UBR3: variants seen among roughly 807,000 people sequenced by gnomAD.
UBR3 encodes E3 ubiquitin-protein ligase UBR3.
A neutral mutation model predicts 243.2 loss-of-function variants in UBR3; 85 were observed. The ratio of observed to expected loss-of-function variants is 0.35; its 90% CI spans 0.29 to 0.42. The LOEUF (loss-of-function observed/expected upper bound fraction) is 0.42. Ranked by LOEUF, UBR3 falls within the 10% of genes least tolerant of loss-of-function variation. The pLI is 1.00. For synonymous variants in UBR3, 748 were observed against 799.8 expected (o/e 0.94, Z 1.09); for missense variants, 1,686 against 2,300.8 (o/e 0.73, Z 5.47).
At chr2:169,892,444 T>C (rs2084412608) in intron 6 of UBR3, among the ~76,000 whole-genome samples, 1 of 152,242 alleles carries the variant, frequency 6.6e-6, no homozygotes. Context: ...ACACTCTGAC[T>C]GAAGATACTT....
At chr2:170,019,908 T>A (rs1407858542) in intron 30 of UBR3, among the ~76,000 whole-genome samples, 1 of 152,046 alleles carries the variant, frequency 6.6e-6, no homozygotes, top group African/African-American at 2.4e-5. Flanking sequence ...CCCGAGTAGC[T>A]AGGACAGCAG....
At chr2:169,983,444 A>G (rs1449375602) in intron 24 of UBR3, among the ~76,000 whole-genome samples, 1 of 151,816 alleles carries the variant, frequency 6.6e-6, no homozygotes, top group African/African-American at 2.4e-5. Context: ...TATTTTTAGT[A>G]GAGATGGGGT....
At chr2:170,021,349 TCTGGAGG>T (rs2090386796) in intron 30 of UBR3, among the ~76,000 whole-genome samples, 1 of 152,114 alleles carries the variant, frequency 6.6e-6, no homozygotes, top group African/African-American at 2.4e-5. Flanking sequence ...TTCTCACAGA[TCTGGAGG>T]CTGGGAAGTC....
At chr2:169,931,459 A>C (rs2086126919) in intron 18 of UBR3, among the ~76,000 whole-genome samples, 1 of 152,008 alleles carries the variant, frequency 6.6e-6, no homozygotes, top group African/African-American at 2.4e-5. Context: ...TGATACTTTA[A>C]GATGAATAGC....
intron 35 of UBR3, among the ~76,000 whole-genome samples, chr2:170,067,435 G>A (rs933934657): frequency 6.6e-6 from 1 of 152,138 alleles, no homozygotes; most frequent in African/African-American, 2.4e-5. Flanking sequence ...ACTTCAGTGT[G>A]CCTTCTTAGT....
intron 19 of UBR3, among the ~76,000 whole-genome samples, chr2:169,939,983 A>G (rs2086516804): frequency 6.6e-6 from 1 of 151,776 alleles, no homozygotes; most frequent in Non-Finnish European, 1.5e-5. Context: ...TTTAATTTTT[A>G]TTGTTATAGA....
chr2:169,877,036 G>A (rs574055967), intron 3 of UBR3, among the ~76,000 whole-genome samples: 1 of 152,246 alleles, frequency 6.6e-6, no homozygotes, highest in Non-Finnish European at 1.5e-5. Context: ...ATGGTGTATT[G>A]TTATACAAAA....
chr2:169,898,672 T>TTC (rs1286770455), intron 8 of UBR3, among the ~76,000 whole-genome samples: 1 of 150,710 alleles, frequency 6.6e-6, no homozygotes, highest in Non-Finnish European at 1.5e-5. Flanking sequence ...TCTTCACCTT[T>TTC]TTTTTTTTTT....
At chr2:169,912,305 A>G (rs1480807135) in intron 10 of UBR3, among the ~76,000 whole-genome samples, 1 of 152,194 alleles carries the variant, frequency 6.6e-6, no homozygotes, top group Non-Finnish European at 1.5e-5. Flanking sequence ...TACCACTACT[A>G]CCACTATCTA....
intron 18 of UBR3, among the ~76,000 whole-genome samples, chr2:169,931,059 A>C (rs2086103212): frequency 6.6e-6 from 1 of 152,240 alleles, no homozygotes; most frequent in African/African-American, 2.4e-5. Flanking sequence ...TTTAAAGAGA[A>C]GGACGATCAA....
intron 5 of UBR3, among the ~76,000 whole-genome samples, chr2:169,880,570 A>G (rs895764045): frequency 2.0e-5 from 3 of 151,922 alleles, no homozygotes; most frequent in African/African-American, 4.8e-5. Context: ...ACAACATTCT[A>G]TTTTATGGTT....
chr2:169,894,343 AAAAAAAG>A (rs2084498426), intron 6 of UBR3, among the ~76,000 whole-genome samples: 3 of 148,480 alleles, frequency 2.0e-5, no homozygotes, highest in African/African-American at 7.4e-5. Context: ...AAAAAAAAAA[AAAAAAAG>A]ATGTATAGTG....
intron 24 of UBR3, among the ~76,000 whole-genome samples, chr2:169,962,501 G>A (rs1574294271): frequency 6.6e-6 from 1 of 152,140 alleles, no homozygotes; most frequent in East Asian, 1.9e-4. Context: ...TTCTTTTTAA[G>A]CCACTGAGCA....
chr2:169,868,887 G>C (rs1274218043), intron 1 of UBR3, among the ~76,000 whole-genome samples: 1 of 152,116 alleles, frequency 6.6e-6, no homozygotes, highest in Non-Finnish European at 1.5e-5. Context: ...TGTGCTTATT[G>C]GGTGTTTCAA....
chr2:169,866,028 G>A (rs1016206543), intron 1 of UBR3, among the ~76,000 whole-genome samples: 6 of 151,828 alleles, frequency 4.0e-5, no homozygotes, highest in African/African-American at 1.5e-4. Flanking sequence ...GTGCGTGCCT[G>A]TAATCCCAGC....
At chr2:169,981,419 C>G (rs1164761024) in intron 24 of UBR3, among the ~76,000 whole-genome samples, 1 of 151,986 alleles carries the variant, frequency 6.6e-6, no homozygotes, top group Admixed American at 6.6e-5. Context: ...AATCGATAAC[C>G]TTAGACTAAT....
At chr2:169,987,607 T>G (rs2089081309) in intron 25 of UBR3, among the ~76,000 whole-genome samples, 1 of 151,564 alleles carries the variant, frequency 6.6e-6, no homozygotes, top group African/African-American at 2.4e-5. Flanking sequence ...ATTTTAAAAG[T>G]TTGAAGGATT....
chr2:170,047,910 T>C (rs996637722), intron 32 of UBR3, among the ~76,000 whole-genome samples: 3 of 152,146 alleles, frequency 2.0e-5, no homozygotes, highest in Non-Finnish European at 4.4e-5. Flanking sequence ...AGAACAACTG[T>C]CGTGGTATCA....
chr2:170,070,239 T>G (rs578243884), intron 35 of UBR3, among the ~76,000 whole-genome samples: 1 of 152,120 alleles, frequency 6.6e-6, no homozygotes, highest in Non-Finnish European at 1.5e-5. Context: ...ATTGAATAAA[T>G]GGGGGGGAAA....
Sources: allele counts gnomAD v4.1 joint callset (sites outside exome capture counted in the v4.1 genomes callset), GRCh38; gene constraint gnomAD v4.1.1; transcripts MANE v1.5; gene names NCBI Gene and HGNC (gene_info 2026-07-23, HGNC 2026-07-21).